Variants in CACNA1E observed in about 807,000 individuals in gnomAD.
CACNA1E encodes the protein voltage-dependent R-type calcium channel subunit alpha-1E.
In CACNA1E, 40 loss-of-function variants were observed where a neutral mutation model predicts 259.2. That is an observed-to-expected ratio of 0.15 (90% CI 0.12 to 0.20). The LOEUF is 0.20. CACNA1E is among the 10% of genes least tolerant of loss of function. The probability of loss-of-function intolerance (pLI) is 1.00; values close to 1 mark genes in which losing one functional copy is unlikely to be tolerated. For synonymous variants in CACNA1E, 1,104 were observed against 1,138.5 expected (o/e 0.97, Z 0.61); for missense variants, 1,874 against 3,040.1 (o/e 0.62, Z 9.02).
At chr1:181,724,062 A>C (rs1360666000) in intron 16 of CACNA1E, among the ~76,000 whole-genome samples, 1 of 152,192 alleles carries the variant, frequency 6.6e-6, no homozygotes, top group Non-Finnish European at 1.5e-5. Flanking sequence ...TGGTTTGGTG[A>C]CCAGCCCCCA....
At chr1:181,760,631 AT>A (rs758166027) in intron 32 of CACNA1E, among the ~76,000 whole-genome samples, 8 of 152,248 alleles carry the variant, frequency 5.3e-5, no homozygotes, top group Non-Finnish European at 8.8e-5. Flanking sequence ...TGCTTTACAT[AT>A]TGCTTTTCTC....
At chr1:181,785,525 G>A in intron 42 of CACNA1E, 107 bp downstream of exon 42, 1 of 909,038 alleles carries the variant, frequency 1.1e-6, no homozygotes, top group Non-Finnish European at 1.8e-6. Flanking sequence ...CTTAGAAGCA[G>A]CAGTAATGGG....
At chr1:181,461,073 T>A (rs2102374193) in intron 2 of CACNA1E, among the ~76,000 whole-genome samples, 1 of 152,326 alleles carries the variant, frequency 6.6e-6, no homozygotes, top group East Asian at 1.9e-4. Context: ...GTAGACTTCC[T>A]TCTAGAGTTT....
chr1:181,431,662 A>G (rs1659728808), intron 2 of CACNA1E, among the ~76,000 whole-genome samples: 1 of 152,216 alleles, frequency 6.6e-6, no homozygotes, highest in South Asian at 2.1e-4. Context: ...CCTTGGTTTC[A>G]GGAAGGTCTC....
At chr1:181,586,886 C>T (rs1018638462) in intron 6 of CACNA1E, among the ~76,000 whole-genome samples, 3 of 152,106 alleles carry the variant, frequency 2.0e-5, no homozygotes, top group South Asian at 2.1e-4. Flanking sequence ...ATGGAAACAG[C>T]GTGGAAGAAA....
chr1:181,496,419 G>C (rs1285495199), intron 1 of CACNA1E, among the ~76,000 whole-genome samples: 1 of 152,214 alleles, frequency 6.6e-6, no homozygotes, highest in Non-Finnish European at 1.5e-5. Flanking sequence ...ATCCCCTTTA[G>C]ATCCTTGGCA....
intron 1 of CACNA1E, among the ~76,000 whole-genome samples, chr1:181,396,311 T>C (rs1656678808): frequency 6.6e-6 from 1 of 152,324 alleles, no homozygotes; most frequent in Middle Eastern, 3.4e-3. Flanking sequence ...TGGTACAGTG[T>C]GGGAGGGGAC....
chr1:181,637,186 C>G (rs1383489841), intron 6 of CACNA1E, among the ~76,000 whole-genome samples: 4 of 152,204 alleles, frequency 2.6e-5, no homozygotes, highest in African/African-American at 9.7e-5. Context: ...TGTTTTAATC[C>G]TTTCCTGAGC....
rs552585540 is a variant in CACNA1E, at chr1:181,468,905, A to T, written c.435-14839A>T. ...AGCAGTAGTAGGAGATATTGCTAGG[A>T]GCATAATGGCAGGTAATAAGGACTT... On this transcript the variant is annotated intron_variant, in intron 2 of 11. Transcript: ENST00000524607. 3.9e-5 allele frequency among the ~76,000 whole-genome samples: 6 copies of T among 152,282 alleles called. No individual in the cohort carries two copies. The East Asian group carries it at 1.2e-3, about 29-fold the overall frequency.
At chr1:181,718,452 C>A (rs530427140) in intron 12 of CACNA1E, among the ~76,000 whole-genome samples, 1 of 151,930 alleles carries the variant, frequency 6.6e-6, no homozygotes, top group African/African-American at 2.4e-5. Context: ...ACAAAGCTAC[C>A]CATAGCCAGA....
chr1:181,551,743 G>T (rs1026531184), intron 3 of CACNA1E, among the ~76,000 whole-genome samples: 21 of 152,118 alleles, frequency 1.4e-4, no homozygotes, highest in African/African-American at 5.1e-4. Context: ...CTGACAGCTG[G>T]TCACCAAGCT....
At chr1:181,748,667 G>A (rs1016544414) in intron 25 of CACNA1E, among the ~76,000 whole-genome samples, 3 of 152,194 alleles carry the variant, frequency 2.0e-5, no homozygotes, top group Non-Finnish European at 2.9e-5. Context: ...TAAGACAAAT[G>A]TAGCCTGGGG....
intron 7 of CACNA1E, among the ~76,000 whole-genome samples, chr1:181,679,528 C>T (rs1429937217): frequency 6.6e-6 from 1 of 152,192 alleles, no homozygotes; most frequent in Non-Finnish European, 1.5e-5. Flanking sequence ...TCCATGTAAA[C>T]ACGTGAAAGA....
At chr1:181,454,240 G>T (rs1006086320) in intron 2 of CACNA1E, among the ~76,000 whole-genome samples, 10 of 152,166 alleles carry the variant, frequency 6.6e-5, no homozygotes, top group African/African-American at 2.4e-4. Context: ...CTGTATGGTG[G>T]AGTGAGGGTC....
chr1:181,623,150 C>G (rs762211669), intron 6 of CACNA1E, among the ~76,000 whole-genome samples: 1 of 152,184 alleles, frequency 6.6e-6, no homozygotes, highest in Non-Finnish European at 1.5e-5. Flanking sequence ...AATTATGCAA[C>G]CCCTCAGTTA....
chr1:181,349,001 C>G (rs1652826944), intron 1 of CACNA1E, among the ~76,000 whole-genome samples: 1 of 151,952 alleles, frequency 6.6e-6, no homozygotes. Context: ...CCAGCCATGC[C>G]ATTCTCCTGG....
At chr1:181,561,186 C>T (rs2102888455) in intron 3 of CACNA1E, among the ~76,000 whole-genome samples, 1 of 152,204 alleles carries the variant, frequency 6.6e-6, no homozygotes, top group East Asian at 1.9e-4. Context: ...TAGGAATGTA[C>T]TTAATGCCGC....
At chr1:181,698,218 C>T (rs777179684) in intron 7 of CACNA1E, among the ~76,000 whole-genome samples, 1 of 152,194 alleles carries the variant, frequency 6.6e-6, no homozygotes, top group Non-Finnish European at 1.5e-5. Flanking sequence ...TCCTTCCCTT[C>T]CAGTGTTGAT....
intron 3 of CACNA1E, among the ~76,000 whole-genome samples, chr1:181,511,856 G>A (rs994656873): frequency 3.3e-5 from 5 of 152,240 alleles, no homozygotes; most frequent in African/African-American, 1.2e-4. Context: ...TTTCACCAAA[G>A]CAAGCAGCTT....
Sources: allele counts gnomAD v4.1 joint callset (sites outside exome capture counted in the v4.1 genomes callset), GRCh38; gene constraint gnomAD v4.1.1; transcripts MANE v1.5; gene names NCBI Gene and HGNC (gene_info 2026-07-23, HGNC 2026-07-21).